ANAPC7: variants seen among roughly 807,000 people sequenced by gnomAD.
ANAPC7 encodes anaphase promoting complex subunit 7.
Under a neutral mutation model 63.3 loss-of-function variants are expected in ANAPC7, and 25 were observed. That is an observed-to-expected ratio of 0.39 (90% CI 0.29 to 0.55). The LOEUF is 0.55. ANAPC7 is among the 20% of genes least tolerant of loss of function. The pLI, the probability that ANAPC7 is intolerant of heterozygous loss-of-function variation, is 0.57. For missense variants in ANAPC7, 516 were observed against 691.7 expected (o/e 0.75, Z 2.85); for synonymous variants, 241 against 251.7 (o/e 0.96, Z 0.40).
At chr12:110,375,708 G>T (rs1189793306) in intron 10 of ANAPC7, 16 of 958,940 alleles carry the variant, frequency 1.7e-5, no homozygotes, top group Admixed American at 6.1e-5. Context: ...AGAAACATGG[G>T]AAAGTACTTA....
rs201458718 is a variant in ANAPC7, at chr12:110,381,326, G to GT, written c.1132+425dup. Among the ~76,000 whole-genome samples, 442 of 151,370 alleles carry GT rather than the reference G, an allele frequency of 2.9e-3. 1 individual carries two copies. The highest frequency in any genetic ancestry group is 6.0e-3 in the African/African-American group (248 of 41,256). ...ATATTGAAAAGCTTCCCCGGATGATGTTTTTTTGTTGTTGTTGTTGTTGTT... is the reference window on the plus strand; with the variant it reads ...ATATTGAAAAGCTTCCCCGGATGATGTTTTTTTTGTTGTTGTTGTTGTTGTT... On this transcript the variant is annotated intron_variant, in intron 8 of 10. Coordinates refer to ENST00000455511, the MANE Select transcript of ANAPC7 (RefSeq NM_016238.3).
At chr12:110,377,160 TAGTG>T (rs1225529703) in intron 9 of ANAPC7, among the ~76,000 whole-genome samples, 3 of 146,828 alleles carry the variant, frequency 2.0e-5, no homozygotes, top group African/African-American at 7.5e-5. Flanking sequence ...AAAAAAAAAT[TAGTG>T]AGCCGAATAG....
rs531660876 is a variant in ANAPC7 at position 110,384,507 on chromosome 12, G to A, written c.818-1547C>T. Among the ~76,000 whole-genome samples, 7 of 151,874 alleles carry A rather than the reference G, an allele frequency of 4.6e-5. No homozygotes were observed. The South Asian group carries it at 1.5e-3, about 32-fold the overall frequency. On this transcript the variant is annotated intron_variant, in intron 6 of 10. Transcript: ENST00000455511. ...TCAAGACCAGCCTGGCCAAGATAGT[G>A]AAACCCCATCTCTACTAAAAATACA...
chr12:110,396,528 T>C, intron 1 of ANAPC7, 76 bp from the exon 2 acceptor site: 1 of 1,135,178 alleles, frequency 8.8e-7, no homozygotes, highest in South Asian at 1.6e-5. Flanking sequence ...TTTTTTTTTT[T>C]GAAATAGATT....
chr12:110,382,461 AATAT>A (rs66967302), intron 7 of ANAPC7, among the ~76,000 whole-genome samples: 367 of 30,830 alleles, frequency 0.012, 8 homozygotes, highest in Admixed American at 0.027. Flanking sequence ...AAAAAAAAAA[AATAT>A]ATATATATAT....
At chr12:110,396,961 TGGGAGGCTGAGG>T (rs1370542330) in intron 1 of ANAPC7, among the ~76,000 whole-genome samples, 1 of 151,750 alleles carries the variant, frequency 6.6e-6, no homozygotes, top group Non-Finnish European at 1.5e-5. Flanking sequence ...CCCAGCACTT[TGGGAGGCTGAGG>T]GGGGCGGATC....
chr12:110,391,716 T>C (rs1296724558), intron 3 of ANAPC7, among the ~76,000 whole-genome samples: 1 of 152,222 alleles, frequency 6.6e-6, no homozygotes, highest in Non-Finnish European at 1.5e-5. Flanking sequence ...AAAAAAGTCC[T>C]ACAAATATCC....
chr12:110,378,321 T>A (rs1032662728), intron 8 of ANAPC7, among the ~76,000 whole-genome samples: 1 of 152,220 alleles, frequency 6.6e-6, no homozygotes, highest in African/African-American at 2.4e-5. Flanking sequence ...CTCGAACTCC[T>A]GACCTCAGGT....
At chr12:110,385,050 G>C (rs544723198) in intron 6 of ANAPC7, among the ~76,000 whole-genome samples, 2 of 152,070 alleles carry the variant, frequency 1.3e-5, no homozygotes, top group Non-Finnish European at 2.9e-5. Context: ...GATTACCTAA[G>C]GTCAGGAGTT....
Position 110,374,050 on chromosome 12 carries a change from A to G in ANAPC7, c.*94T>C. Reference sequence around the variant, plus strand: ...CCCTGCTGCAATCACATGCTGAATCATTGTCCTTCTGAGAGCAGGCTCCTA... The same window carrying G: ...CCCTGCTGCAATCACATGCTGAATCGTTGTCCTTCTGAGAGCAGGCTCCTA... On this transcript the variant is annotated 3_prime_UTR_variant, in exon 11 of 11. Coordinates refer to ENST00000455511, the MANE Select transcript of ANAPC7 (RefSeq NM_016238.3). The G allele has an allele frequency of 7.3e-7, 1 of 1,371,634 alleles. No individual in the cohort carries two copies. The highest frequency in any genetic ancestry group is 9.7e-7 in the Non-Finnish European group (1 of 1,026,562). The allele number at this position is 1,371,634 out of a possible 1,614,324, so 85.0% of individuals were successfully genotyped here. A position where few individuals can be genotyped will look rare whatever the true frequency, so the allele number is the denominator to read the frequency against.
At chr12:110,382,989 G>A (rs754148483) in intron 6 of ANAPC7, 29 bp from the exon 7 acceptor site, 2 of 1,575,962 alleles carry the variant, frequency 1.3e-6, no homozygotes, top group East Asian at 2.3e-5. Flanking sequence ...GTGAGAAGAG[G>A]TGTTTTAAGA....
intron 7 of ANAPC7, among the ~76,000 whole-genome samples, chr12:110,382,499 T>TATATATAG (rs1555289595): frequency 7.3e-6 from 1 of 136,516 alleles, no homozygotes; most frequent in African/African-American, 2.7e-5. Context: ...TATATATTTA[T>TATATATAG]AGAGACAGGG....
intron 9 of ANAPC7, among the ~76,000 whole-genome samples, chr12:110,376,970 TAATAAAA>T (rs1335470333): frequency 6.7e-6 from 1 of 150,100 alleles, no homozygotes; most frequent in African/African-American, 2.5e-5. Context: ...TAAAAAAAAA[TAATAAAA>T]AATAAAAAAA....
intron 9 of ANAPC7, among the ~76,000 whole-genome samples, chr12:110,376,932 C>CG (rs1362381849): frequency 5.5e-4 from 83 of 151,332 alleles, no homozygotes; most frequent in Non-Finnish European, 1.0e-3. Flanking sequence ...ACCGGCCTGG[C>CG]CAATATGGTG....
At chr12:110,397,347 G>T (rs73206880) in intron 1 of ANAPC7, among the ~76,000 whole-genome samples, 1 of 151,860 alleles carries the variant, frequency 6.6e-6, no homozygotes, top group Non-Finnish European at 1.5e-5. Context: ...AAGATCACAA[G>T]ATCGAGATCA....
chr12:110,377,173 A>G (rs557636655), intron 9 of ANAPC7, among the ~76,000 whole-genome samples: 1 of 151,726 alleles, frequency 6.6e-6, no homozygotes, highest in East Asian at 1.9e-4. Flanking sequence ...TGAGCCGAAT[A>G]GATACCAACC....
At chr12:110,394,669 C>CAAAAAAAAAAAAAAAAAAAAAAAAAAA (rs779142936) in intron 3 of ANAPC7, among the ~76,000 whole-genome samples, 1 of 42,788 alleles carries the variant, frequency 2.3e-5, no homozygotes, top group African/African-American at 1.1e-4. Context: ...AATTCCACCT[C>CAAAAAAAAAAAAAAAAAAAAAAAAAAA]AAAAAAAAAA....
rs1566264542 is a variant in ANAPC7 at position 110,382,496 on chromosome 12, T to TATA, written c.935+346_935+347insTAT. ...TATATATATATATATATATATATATTTATAGAGACAGGGTCTTGCTACATT... is the reference window on the plus strand; with the variant it reads ...TATATATATATATATATATATATATTATATATAGAGACAGGGTCTTGCTACATT... On this transcript the variant is annotated intron_variant, in intron 7 of 10. Transcript: ENST00000455511. 1.4e-3 allele frequency among the ~76,000 whole-genome samples: 111 copies of TATA among 79,988 alleles called. 6 individuals are homozygous for TATA. Among genetic ancestry groups the TATA allele is most frequent in the African/African-American group, 5.2e-3 (109 of 21,064 alleles). 52.5% of individuals were successfully genotyped at this position (79,988 alleles called of 152,430 possible).
intron 3 of ANAPC7, among the ~76,000 whole-genome samples, chr12:110,394,172 T>C (rs1469683706): frequency 6.7e-6 from 1 of 149,682 alleles, no homozygotes; most frequent in Non-Finnish European, 1.5e-5. Flanking sequence ...CAAGACTCTG[T>C]CTCAAAACAA....
Sources: gnomAD v4.1 joint callset for allele counts (sites outside exome capture counted in the v4.1 genomes callset) on GRCh38, gnomAD v4.1.1 for gene constraint, MANE v1.5 for transcripts, NCBI Gene and HGNC (gene_info 2026-07-23, HGNC 2026-07-21) for gene names.